SEL1L2: variants seen among roughly 807,000 people sequenced by gnomAD.
SEL1L2 encodes the protein SEL1L2 adaptor subunit of SYVN1 ubiquitin ligase.
SEL1L2 carries 89 observed loss-of-function variants against 98.8 expected under a neutral mutation model. The ratio of observed to expected loss-of-function variants is 0.90; its 90% CI spans 0.76 to 1.07. The LOEUF (loss-of-function observed/expected upper bound fraction) is 1.07, where lower values mean the gene tolerates loss of function less well. Among genes scored for constraint, SEL1L2 ranks in the 50% least tolerant of loss-of-function variants. The pLI is 0.00. For missense variants in SEL1L2, 788 were observed against 812.0 expected (o/e 0.97, Z 0.36); for synonymous variants, 262 against 278.5 (o/e 0.94, Z 0.59).
intron 18 of SEL1L2, among the ~76,000 whole-genome samples, chr20:13,856,424 C>T (rs992483415): frequency 1.3e-5 from 2 of 152,210 alleles, no homozygotes; most frequent in African/African-American, 4.8e-5. Flanking sequence ...GCCACCATGC[C>T]TGGCCCTCTG....
chr20:13,858,628 C>A (rs1173690193), intron 18 of SEL1L2, among the ~76,000 whole-genome samples: 10 of 152,200 alleles, frequency 6.6e-5, no homozygotes, highest in Admixed American at 6.5e-4. Context: ...CTCTGTGACA[C>A]CCTGATGTCA....
chr20:13,898,910 T>C (rs144156806), intron 5 of SEL1L2, among the ~76,000 whole-genome samples: 1,580 of 152,194 alleles, frequency 0.01, 33 homozygotes, highest in African/African-American at 0.036. Context: ...GCCCAGATAA[T>C]TTTTGTATTT....
At chr20:13,939,665 C>CTT (rs3042764) in intron 2 of SEL1L2, among the ~76,000 whole-genome samples, 9 of 138,592 alleles carry the variant, frequency 6.5e-5, no homozygotes, top group Non-Finnish European at 1.2e-4. Context: ...CACCCTTATT[C>CTT]TTTTTTTTTT....
intron 18 of SEL1L2, among the ~76,000 whole-genome samples, chr20:13,852,574 A>G (rs1159751686): frequency 6.6e-6 from 1 of 152,200 alleles, no homozygotes; most frequent in South Asian, 2.1e-4. Context: ...GAAGTCCACT[A>G]CATACCCAGT....
intron 1 of SEL1L2, among the ~76,000 whole-genome samples, chr20:13,968,510 C>G (rs2051146922): frequency 1.3e-5 from 2 of 152,212 alleles, no homozygotes; most frequent in South Asian, 4.1e-4. Context: ...AACATATTAA[C>G]TGATGACAAT....
intron 14 of SEL1L2, 64 bp downstream of exon 14, chr20:13,869,439 A>G (rs2046078984): frequency 8.2e-7 from 1 of 1,221,642 alleles, no homozygotes; most frequent in African/African-American, 1.5e-5. Flanking sequence ...GTTTGTTATA[A>G]AAGAAGCAGA....
intron 5 of SEL1L2, among the ~76,000 whole-genome samples, chr20:13,905,523 C>G (rs1368438162): frequency 6.6e-6 from 1 of 152,002 alleles, no homozygotes; most frequent in Non-Finnish European, 1.5e-5. Flanking sequence ...ACCATGTTAG[C>G]CAGAATGGTC....
chr20:13,903,513 C>T (rs1232178676), intron 5 of SEL1L2, among the ~76,000 whole-genome samples: 1 of 152,136 alleles, frequency 6.6e-6, no homozygotes, highest in Non-Finnish European at 1.5e-5. Context: ...TCTTTCTATC[C>T]TTCTTATTGG....
chr20:13,968,768 G>C (rs928026700), intron 1 of SEL1L2, among the ~76,000 whole-genome samples: 1 of 152,152 alleles, frequency 6.6e-6, no homozygotes, highest in African/African-American at 2.4e-5. Context: ...AACATTCCCT[G>C]GACTAGGAGT....
chr20:13,853,534 G>A lies in SEL1L2; in HGVS notation c.1819-3215C>T, dbSNP rs535807743. 4.5e-4 allele frequency among the ~76,000 whole-genome samples: 69 copies of A among 152,162 alleles called. 3 individuals carry two copies. In the South Asian group the frequency reaches 0.013, roughly 30 times the overall value. Reference sequence around the variant, plus strand: ...CAGCCTAGTCTACAATATTTTTAACGGTTGCAGAGTATATTGTAATAATGG... The same window carrying A: ...CAGCCTAGTCTACAATATTTTTAACAGTTGCAGAGTATATTGTAATAATGG... On this transcript the variant is annotated intron_variant, in intron 18 of 19. Transcript: ENST00000284951.
intron 3 of SEL1L2, among the ~76,000 whole-genome samples, chr20:13,925,501 A>ATTGG (rs746548954): frequency 2.0e-5 from 3 of 152,108 alleles, no homozygotes; most frequent in East Asian, 1.9e-4. Context: ...GCGGGTGGTG[A>ATTGG]TTGGTTGGTT....
At chr20:13,960,445 C>T (rs1483886080) in intron 1 of SEL1L2, among the ~76,000 whole-genome samples, 1 of 152,136 alleles carries the variant, frequency 6.6e-6, no homozygotes, top group Admixed American at 6.5e-5. Flanking sequence ...ATTAACTATT[C>T]AGTAGCTTAA....
Position 13,971,490 on chromosome 20 carries a change from G to C in SEL1L2, c.59-15359C>G, listed in dbSNP as rs1010461321. Among the ~76,000 whole-genome samples, 7 of 152,056 alleles carry C rather than the reference G, an allele frequency of 4.6e-5. No homozygotes were observed. In the East Asian group the frequency reaches 1.3e-3, roughly 29 times the overall value. ...ATCCAGGCTGAAGTGCAGTGGCACA[G>C]TCTCAGCTCACTGCAACCTTCACCT... is the stretch of plus-strand genomic sequence containing the variant. On this transcript the variant is annotated intron_variant, in intron 1 of 19. Coordinates refer to ENST00000284951, the MANE Select transcript of SEL1L2 (RefSeq NM_025229.2).
intron 17 of SEL1L2, among the ~76,000 whole-genome samples, chr20:13,862,703 T>C (rs536248644): frequency 6.6e-6 from 1 of 151,798 alleles, no homozygotes; most frequent in Non-Finnish European, 1.5e-5. Flanking sequence ...TATTATTATT[T>C]TTGAGACAGA....
intron 3 of SEL1L2, among the ~76,000 whole-genome samples, chr20:13,920,302 G>A (rs2048600584): frequency 6.6e-6 from 1 of 151,774 alleles, no homozygotes; most frequent in Non-Finnish European, 1.5e-5. Context: ...TTAGGGGAAG[G>A]CACAGAGACA....
At chr20:13,952,310 A>C (rs2050312349) in intron 2 of SEL1L2, among the ~76,000 whole-genome samples, 1 of 152,238 alleles carries the variant, frequency 6.6e-6, no homozygotes, top group South Asian at 2.1e-4. Context: ...AGAGGTTAAA[A>C]GACAGTGCAG....
chr20:13,858,206 T>C (rs562637043), intron 18 of SEL1L2, among the ~76,000 whole-genome samples: 114 of 152,160 alleles, frequency 7.5e-4, no homozygotes, highest in Non-Finnish European at 1.4e-3. Context: ...AGTTCTCAAA[T>C]AGGAAATTCC....
intron 12 of SEL1L2, among the ~76,000 whole-genome samples, chr20:13,870,958 A>G (rs2046163585): frequency 6.7e-6 from 1 of 148,952 alleles, no homozygotes; most frequent in Admixed American, 6.7e-5. Flanking sequence ...ATAGATTGAG[A>G]GTGTTGCAGA....
intron 11 of SEL1L2, among the ~76,000 whole-genome samples, chr20:13,876,326 C>G (rs1355217611): frequency 6.6e-6 from 1 of 151,242 alleles, no homozygotes; most frequent in Non-Finnish European, 1.5e-5. Context: ...AGTAAGAGTA[C>G]CATTTATTAC....
Sources: allele counts gnomAD v4.1 joint callset (sites outside exome capture counted in the v4.1 genomes callset), GRCh38; gene constraint gnomAD v4.1.1; transcripts MANE v1.5; gene names NCBI Gene and HGNC (gene_info 2026-07-23, HGNC 2026-07-21).